Variants in ZNF721 observed in about 807,000 individuals in gnomAD.
ZNF721 encodes the protein zinc finger protein 721.
ZNF721 carries 2 observed loss-of-function variants against 2.4 expected under a neutral mutation model. The ratio of observed to expected loss-of-function variants is 0.82; its 90% confidence interval spans 0.34 to 2.58. ZNF721 has a LOEUF of 2.58. ZNF721 is among the 30% of genes most tolerant of loss of function. The probability of loss-of-function intolerance (pLI) is 0.11; values close to 1 mark genes in which losing one functional copy is unlikely to be tolerated. For synonymous variants in ZNF721, 398 were observed against 381.8 expected (o/e 1.04, Z -0.50); for missense variants, 1,187 against 1,085.5 (o/e 1.09, Z -1.31).
intron 1 of ZNF721, among the ~76,000 whole-genome samples, chr4:477,345 C>A (rs1321604685): frequency 7.2e-6 from 1 of 139,032 alleles, no homozygotes; most frequent in Admixed American, 8.1e-5. Flanking sequence ...TCATGCCATT[C>A]TCCTGCCTCA....
At chr4:490,153 C>G (rs188959836) in intron 1 of ZNF721, among the ~76,000 whole-genome samples, 1 of 151,870 alleles carries the variant, frequency 6.6e-6, no homozygotes, top group African/African-American at 2.4e-5. Flanking sequence ...ACACCGTGCC[C>G]GGCCAACATT....
intron 2 of ZNF721, among the ~76,000 whole-genome samples, chr4:450,491 G>A (rs575382947): frequency 3.9e-5 from 6 of 152,174 alleles, no homozygotes; most frequent in African/African-American, 1.2e-4. Context: ...AAGGCTTTAT[G>A]CAACTAGTCT....
At chr4:444,985 T>TA (rs1553863983) in intron 2 of ZNF721, among the ~76,000 whole-genome samples, 1 of 144,798 alleles carries the variant, frequency 6.9e-6, no homozygotes, top group Non-Finnish European at 1.5e-5. Flanking sequence ...GAGACTTTTT[T>TA]TTTTTTTTTT....
In ZNF721 at chr4:461,803, A is replaced by T. The variant is rs544684703; in HGVS notation, c.34+10772T>A. ...CAGGAGAATTGCATGAACCCAGGAG[A>T]TGGAGGTTGCAGTGAGCCAAGATCA... On this transcript the variant is annotated intron_variant, in intron 2 of 2. Coordinates refer to ENST00000511833, the MANE Select transcript of ZNF721 (RefSeq NM_133474.4). Among the ~76,000 whole-genome samples, 3 of 152,216 alleles carry T rather than the reference A, an allele frequency of 2.0e-5. No homozygotes were observed. The East Asian group carries it at 5.8e-4, about 29-fold the overall frequency.
intron 2 of ZNF721, among the ~76,000 whole-genome samples, chr4:447,542 T>G (rs1553864341): frequency 6.6e-6 from 1 of 152,078 alleles, no homozygotes; most frequent in Non-Finnish European, 1.5e-5. Flanking sequence ...AACGTGTAAG[T>G]CTATTTCAGC....
rs964769422 is a variant in ZNF721 at position 444,348 on chromosome 4, T to A, written c.119A>T (p.Glu40Val). ...SFHKLILRRY[E>V]KCGHDNLQLR... ...TTGTAAATTATCATGCCCACATTTC[T>A]CATATCTTCTCAGTATAAGTTTGTG... Residue 40 changes from glutamate to valine, a missense_variant, in exon 3 of 3, where the codon GAG becomes GTG. Transcript: ENST00000511833. The A allele has an allele frequency of 3.1e-6, 5 of 1,613,946 alleles. No homozygotes were observed. The highest frequency in any genetic ancestry group is 4.2e-6 in the Non-Finnish European group (5 of 1,179,978).
intron 1 of ZNF721, among the ~76,000 whole-genome samples, chr4:480,979 G>A (rs550332398): frequency 4.6e-5 from 7 of 152,142 alleles, no homozygotes; most frequent in Non-Finnish European, 8.8e-5. Flanking sequence ...CTGGAGTGCA[G>A]TGGTGTGATA....
rs998045264 is a variant in ZNF721, at chr4:458,803, G to A, written c.34+13772C>T. Among the ~76,000 whole-genome samples the A allele has an allele frequency of 4.6e-5, 7 of 152,026 alleles. No individual in the cohort carries two copies. In the East Asian group the frequency reaches 5.8e-4, roughly 13 times the overall value. ...AGAGGCTGCAGTGAGCTGAGATTGC[G>A]CCACTGCACTCCAGCCTGGGTGACA... is the stretch of plus-strand genomic sequence containing the variant. On this transcript the variant is annotated intron_variant, in intron 2 of 2. Coordinates refer to ENST00000511833, the MANE Select transcript of ZNF721 (RefSeq NM_133474.4).
chr4:456,058 ATTT>A (rs1219876925), intron 2 of ZNF721, among the ~76,000 whole-genome samples: 1 of 149,876 alleles, frequency 6.7e-6, no homozygotes, highest in East Asian at 2.0e-4. Context: ...ATTTTTATTT[ATTT>A]ATTTATTTAT....
intron 2 of ZNF721, among the ~76,000 whole-genome samples, chr4:455,562 T>C (rs1714819976): frequency 6.6e-6 from 1 of 151,216 alleles, no homozygotes; most frequent in Admixed American, 6.6e-5. Context: ...CAAGACTCCA[T>C]CTCAAAACAA....
chr4:485,811 C>A lies in ZNF721; in HGVS notation c.-93-13110G>T, dbSNP rs141985990. Among the ~76,000 whole-genome samples, 406 of 152,188 alleles carry A rather than the reference C, an allele frequency of 2.7e-3. 10 individuals are homozygous for A. In the East Asian group the frequency reaches 0.027, roughly 10 times the overall value. ...CAACATGGGTGAAACCCCGTCTCTA[C>A]TAAAAATACAAAAACTATCCAGGCG... On this transcript the variant is annotated intron_variant, in intron 1 of 2. Transcript: ENST00000511833.
In ZNF721 at chr4:472,707, A is replaced by T; in HGVS notation, c.-93-6T>A. On this transcript the variant is annotated splice_polypyrimidine_tract_variant and splice_region_variant and intron_variant, in intron 1 of 2. Coordinates refer to ENST00000511833, the MANE Select transcript of ZNF721 (RefSeq NM_133474.4). ...TCCCTGAATGTTAAGGGTTCCTGAA[A>T]ATACATATGTATCAAGTGACAGAGT... The T allele has an allele frequency of 6.2e-7, 1 of 1,612,052 alleles. No homozygotes were observed.
In ZNF721 at chr4:472,419, A is replaced by G. The variant is rs147293366; in HGVS notation, c.34+156T>C. On this transcript the variant is annotated intron_variant, in intron 2 of 2. Transcript: ENST00000511833. ...ACTTACAGTTTCTGAGAATCTATCA[A>G]CAATGTTAAGAATTTACTATACACA... Among the ~76,000 whole-genome samples, 788 of 152,360 alleles carry G rather than the reference A, an allele frequency of 5.2e-3. 3 individuals carry two copies. Among genetic ancestry groups the G allele is most frequent in the Non-Finnish European group, 8.3e-3 (566 of 68,026 alleles).
At chr4:459,828 C>T (rs531613229) in intron 2 of ZNF721, among the ~76,000 whole-genome samples, 2 of 145,414 alleles carry the variant, frequency 1.4e-5, no homozygotes, top group East Asian at 4.1e-4. Flanking sequence ...AAGACTCCGT[C>T]TCAAAAAAAA....
rs1481767066 is a variant in ZNF721 at position 485,876 on chromosome 4, G to A, written c.-93-13175C>T. Among the ~76,000 whole-genome samples the A allele has an allele frequency of 2.6e-5, 4 of 152,286 alleles. 1 individual carries two copies. The highest frequency in any genetic ancestry group is 2.6e-4 in the Admixed American group (4 of 15,302). On this transcript the variant is annotated intron_variant, in intron 1 of 2. Transcript: ENST00000511833. ...TATAGTCCCAGCTACTTGGGAGGCT[G>A]AGGCAGGAGAATTGCTTGAACCGAG...
At chr4:477,792 G>C (rs1163159144) in intron 1 of ZNF721, among the ~76,000 whole-genome samples, 1 of 152,180 alleles carries the variant, frequency 6.6e-6, no homozygotes, top group Non-Finnish European at 1.5e-5. Context: ...ACACCCCTAA[G>C]AGATATGCGG....
intron 1 of ZNF721, among the ~76,000 whole-genome samples, chr4:496,694 A>G (rs1261749944): frequency 1.3e-5 from 2 of 150,992 alleles, no homozygotes; most frequent in East Asian, 3.9e-4. Context: ...TGATCACACA[A>G]AATACATGAC....
chr4:493,805 C>T (rs1288593205), intron 1 of ZNF721, among the ~76,000 whole-genome samples: 2 of 151,962 alleles, frequency 1.3e-5, no homozygotes, highest in African/African-American at 4.8e-5. Flanking sequence ...AAAGATCATT[C>T]TGTTTGGGGC....
At chr4:498,523 T>C (rs1379338808) in intron 1 of ZNF721, among the ~76,000 whole-genome samples, 1 of 152,158 alleles carries the variant, frequency 6.6e-6, no homozygotes, top group Non-Finnish European at 1.5e-5. Flanking sequence ...ATGTGGTATA[T>C]ATACACAATG....
Sources: allele counts gnomAD v4.1 joint callset (sites outside exome capture counted in the v4.1 genomes callset), GRCh38; gene constraint gnomAD v4.1.1; transcripts MANE v1.5; gene names NCBI Gene and HGNC (gene_info 2026-07-23, HGNC 2026-07-21).